BACE2: variants seen among roughly 807,000 people sequenced by gnomAD.
BACE2 encodes beta-secretase 2, also known as 56 kDa aspartic-like protease.
A neutral mutation model predicts 46.2 loss-of-function variants in BACE2; 17 were observed. The ratio of observed to expected loss-of-function variants is 0.37; its 90% CI spans 0.25 to 0.55. The LOEUF is 0.55. Ranked by LOEUF, BACE2 falls within the 20% of genes least tolerant of loss-of-function variation. The pLI is 0.82. For synonymous variants in BACE2, 277 were observed against 295.9 expected, an observed-to-expected ratio of 0.94 and a Z score of 0.66; for missense variants, 595 against 698.1, an observed-to-expected ratio of 0.85 and a Z score of 1.66.
chr21:41,179,204 T>G (rs1224548513), intron 1 of BACE2: 67 of 1,193,558 alleles, frequency 5.6e-5, no homozygotes, highest in African/African-American at 8.8e-5. Flanking sequence ...GTGTCCAGGT[T>G]GAGTGAGGGT....
At position 41,272,392 on chromosome 21, in the gene BACE2, G is replaced by A. The variant is rs565077781; in HGVS notation, c.1304-2979G>A. Among the ~76,000 whole-genome samples, 23 of 151,678 alleles carry A rather than the reference G, an allele frequency of 1.5e-4. No individual in the cohort carries two copies. In the East Asian group the frequency reaches 4.1e-3, roughly 27 times the overall value. On this transcript the variant is annotated intron_variant, in intron 8 of 8. Transcript: ENST00000330333. Reference sequence around the variant, plus strand: ...TTTTTGGTTTTTTCAAATATTTTTTGCCTCACAATCCCTTCTTCCTTTTGA... The same window carrying A: ...TTTTTGGTTTTTTCAAATATTTTTTACCTCACAATCCCTTCTTCCTTTTGA...
intron 1 of BACE2, among the ~76,000 whole-genome samples, chr21:41,196,202 G>A (rs1985725554): frequency 6.6e-6 from 1 of 152,044 alleles, no homozygotes; most frequent in Non-Finnish European, 1.5e-5. Context: ...GGAGGCTGAG[G>A]CATGAGAATT....
chr21:41,230,973 A>G (rs1986954376), intron 2 of BACE2, among the ~76,000 whole-genome samples: 1 of 152,248 alleles, frequency 6.6e-6, no homozygotes, highest in African/African-American at 2.4e-5. Context: ...CAGGAGATTA[A>G]GTATATTTCC....
Position 41,172,259 on chromosome 21 carries a change from C to T in BACE2, c.312+3684C>T, listed in dbSNP as rs548027542. Among the ~76,000 whole-genome samples, 123 of 152,288 alleles carry T rather than the reference C, an allele frequency of 8.1e-4. 1 individual carries two copies. In the South Asian group the frequency reaches 0.023, roughly 29 times the overall value. On this transcript the variant is annotated intron_variant, in intron 1 of 8. Transcript: ENST00000330333. ...TCATCAAAGACTGTATTACAGAGGA[C>T]TGGGAAAGGTGAGCCAAGAAATCAG... is the stretch of plus-strand genomic sequence containing the variant.
chr21:41,263,533 G>A (rs1987993302), intron 8 of BACE2, among the ~76,000 whole-genome samples: 1 of 152,280 alleles, frequency 6.6e-6, no homozygotes, highest in African/African-American at 2.4e-5. Context: ...GCTTTTGGAT[G>A]TCTTTTATAA....
At chr21:41,241,338 G>A (rs1987280137) in intron 3 of BACE2, among the ~76,000 whole-genome samples, 1 of 152,132 alleles carries the variant, frequency 6.6e-6, no homozygotes, top group South Asian at 2.1e-4. Context: ...CCAGGCTCTG[G>A]GGTCCGGGGG....
chr21:41,237,863 C>G lies in BACE2; in HGVS notation c.618+134C>G, dbSNP rs73902966. On this transcript the variant is annotated intron_variant, in intron 3 of 8. Coordinates refer to ENST00000330333, the MANE Select transcript of BACE2 (RefSeq NM_012105.5). ...GAACCACGTGGTGGAAACAGACCAGCATTCACACAATTATATTTCCAAGCA... is the reference window on the plus strand; with the variant it reads ...GAACCACGTGGTGGAAACAGACCAGGATTCACACAATTATATTTCCAAGCA... 843 of 662,620 alleles carry G rather than the reference C, an allele frequency of 1.3e-3. 9 individuals are homozygous for G. In the African/African-American group the frequency reaches 0.013, roughly 10 times the overall value. 41.0% of individuals were successfully genotyped at this position (662,620 alleles called of 1,614,324 possible).
intron 1 of BACE2, chr21:41,179,164 G>GTGCACAT: frequency 7.9e-7 from 1 of 1,261,712 alleles, no homozygotes; most frequent in Non-Finnish European, 1.0e-6. Flanking sequence ...TCCAGGGTGA[G>GTGCACAT]GAGTGAGGGT....
intron 1 of BACE2, among the ~76,000 whole-genome samples, chr21:41,168,874 A>G (rs1568851764): frequency 6.6e-6 from 1 of 152,050 alleles, no homozygotes; most frequent in Non-Finnish European, 1.5e-5. Flanking sequence ...TGCCGCCTCC[A>G]ATAACGTGAT....
chr21:41,214,883 G>A (rs368243200), intron 1 of BACE2, among the ~76,000 whole-genome samples: 1 of 151,944 alleles, frequency 6.6e-6, no homozygotes, highest in East Asian at 1.9e-4. Context: ...CCAGGACAGG[G>A]GCACAGAAGC....
At chr21:41,272,285 T>C (rs1262544042) in intron 8 of BACE2, among the ~76,000 whole-genome samples, 1 of 152,144 alleles carries the variant, frequency 6.6e-6, no homozygotes, top group Non-Finnish European at 1.5e-5. Flanking sequence ...TGCGCTATTA[T>C]AATCTATGTC....
intron 1 of BACE2, among the ~76,000 whole-genome samples, chr21:41,222,277 G>T (rs1052303388): frequency 1.3e-5 from 2 of 152,232 alleles, no homozygotes; most frequent in Admixed American, 6.5e-5. Flanking sequence ...TATGTGAAAG[G>T]TGTGGTGTTA....
chr21:41,248,468 G>A (rs1014301445), intron 6 of BACE2, among the ~76,000 whole-genome samples: 3 of 152,256 alleles, frequency 2.0e-5, no homozygotes, highest in East Asian at 1.9e-4. Context: ...TCTGTACCCC[G>A]TGTCCCGCTG....
At position 41,169,300 on chromosome 21, in the gene BACE2, CAG is replaced by C. The variant is rs368270374; in HGVS notation, c.312+726_312+727del. 7.4e-4 allele frequency among the ~76,000 whole-genome samples: 112 copies of C among 152,048 alleles called. 1 individual carries two copies. In the East Asian group the frequency reaches 0.016, roughly 22 times the overall value. ...AGCATTCCAGCTACCGGGAAAAAAA[CAG>C]GGGCTGAGTGAGGTGTCCGGGGACC... On this transcript the variant is annotated intron_variant, in intron 1 of 8. Coordinates refer to ENST00000330333, the MANE Select transcript of BACE2 (RefSeq NM_012105.5).
chr21:41,168,259 TG>T lies in BACE2; in HGVS notation c.-2del. 8.5e-7 allele frequency: 1 copy of T among 1,176,388 alleles called. No homozygotes were observed. The highest frequency in any genetic ancestry group is 4.2e-5 in the South Asian group (1 of 24,080). 72.9% of individuals were successfully genotyped at this position (1,176,388 alleles called of 1,614,324 possible). A position where few individuals can be genotyped will look rare whatever the true frequency, so the allele number is the denominator to read the frequency against. ...TGGGCGCGCCCCCCGGGCCCCGCCG[TG>T]GGCATGGGCGCACTGGCCCGGGCGC... On this transcript the variant is annotated 5_prime_UTR_variant, in exon 1 of 9. Transcript: ENST00000330333.
intron 2 of BACE2, among the ~76,000 whole-genome samples, chr21:41,230,974 G>T (rs1240172879): frequency 6.6e-6 from 1 of 152,190 alleles, no homozygotes; most frequent in Non-Finnish European, 1.5e-5. Context: ...AGGAGATTAA[G>T]TATATTTCCA....
At chr21:41,229,084 AC>A (rs929553025) in intron 2 of BACE2, among the ~76,000 whole-genome samples, 10 of 152,040 alleles carry the variant, frequency 6.6e-5, no homozygotes, top group African/African-American at 2.4e-4. Flanking sequence ...TATCAAACAC[AC>A]CCCCAAAGTT....
intron 1 of BACE2, among the ~76,000 whole-genome samples, chr21:41,201,669 G>A (rs1490381944): frequency 6.6e-6 from 1 of 152,234 alleles, no homozygotes; most frequent in African/African-American, 2.4e-5. Flanking sequence ...CGCACAGCTA[G>A]TTGGGAACAT....
intron 5 of BACE2, 21 bp from the exon 6 acceptor site, chr21:41,245,941 C>T: frequency 1.3e-6 from 2 of 1,583,250 alleles, no homozygotes; most frequent in Admixed American, 1.8e-5. Context: ...ACGCACCTTT[C>T]CCTTTCTCTC....
Sources: gnomAD v4.1 joint callset for allele counts (sites outside exome capture counted in the v4.1 genomes callset) on GRCh38, gnomAD v4.1.1 for gene constraint, MANE v1.5 for transcripts, NCBI Gene and HGNC (gene_info 2026-07-23, HGNC 2026-07-21) for gene names.